Variants in CALD1 observed in about 807,000 individuals in gnomAD.
CALD1 encodes caldesmon.
A neutral mutation model predicts 99.9 loss-of-function variants in CALD1; 33 were observed. The ratio of observed to expected loss-of-function variants is 0.33; its 90% CI spans 0.25 to 0.44. The LOEUF (loss-of-function observed/expected upper bound fraction) is 0.44. Ranked by LOEUF, CALD1 falls within the 20% of genes least tolerant of loss-of-function variation. CALD1 has a pLI of 1.00. For synonymous variants in CALD1, 310 were observed against 325.0 expected (o/e 0.95, Z 0.50); for missense variants, 861 against 962.1 (o/e 0.89, Z 1.39).
chr7:134,768,954 GCTT>G (rs1306044035), intron 1 of CALD1, among the ~76,000 whole-genome samples: 1 of 151,830 alleles, frequency 6.6e-6, no homozygotes, highest in Non-Finnish European at 1.5e-5. Flanking sequence ...ATTGCAACCT[GCTT>G]CTTTTTTCCC....
chr7:134,838,284 C>T (rs1169973083), intron 1 of CALD1, among the ~76,000 whole-genome samples: 1 of 152,136 alleles, frequency 6.6e-6, no homozygotes, highest in East Asian at 1.9e-4. Context: ...TAAACCTATA[C>T]ACTAAACTAC....
At chr7:134,848,168 T>C (rs1799930973) in intron 2 of CALD1, among the ~76,000 whole-genome samples, 1 of 148,778 alleles carries the variant, frequency 6.7e-6, no homozygotes, top group African/African-American at 2.5e-5. Flanking sequence ...TAATGCCAAA[T>C]TAAATCTGGA....
chr7:134,894,678 C>T (rs1319594420), intron 3 of CALD1, among the ~76,000 whole-genome samples: 2 of 152,148 alleles, frequency 1.3e-5, no homozygotes, highest in Non-Finnish European at 2.9e-5. Context: ...ATGCCAAGAC[C>T]TACACAAGGG....
At chr7:134,759,489 C>A (rs931073140) in intron 1 of CALD1, among the ~76,000 whole-genome samples, 1 of 152,130 alleles carries the variant, frequency 6.6e-6, no homozygotes, top group African/African-American at 2.4e-5. Flanking sequence ...GAGAGAACAG[C>A]ATGTGTGAAA....
intron 1 of CALD1, among the ~76,000 whole-genome samples, chr7:134,802,160 A>G (rs1797971543): frequency 7.5e-6 from 1 of 133,156 alleles, no homozygotes; most frequent in Non-Finnish European, 1.6e-5. Context: ...TTTGCCATAT[A>G]TATGTCAACA....
chr7:134,963,093 G>C (rs375930609), intron 13 of CALD1, among the ~76,000 whole-genome samples: 2 of 152,140 alleles, frequency 1.3e-5, no homozygotes, highest in African/African-American at 4.8e-5. Context: ...GTAGAAGAAC[G>C]TGCATGAGAA....
At chr7:134,909,613 G>A (rs977334673) in intron 3 of CALD1, among the ~76,000 whole-genome samples, 4 of 152,200 alleles carry the variant, frequency 2.6e-5, no homozygotes, top group African/African-American at 9.6e-5. Context: ...AACCGGTGAG[G>A]TGGAAATTGC....
intron 9 of CALD1, among the ~76,000 whole-genome samples, chr7:134,955,561 C>T (rs1807698778): frequency 6.6e-6 from 1 of 152,184 alleles, no homozygotes; most frequent in African/African-American, 2.4e-5. Flanking sequence ...CTCTTCATGG[C>T]TTGCAGATGG....
intron 1 of CALD1, among the ~76,000 whole-genome samples, chr7:134,814,830 C>A (rs775851314): frequency 6.6e-6 from 1 of 152,154 alleles, no homozygotes; most frequent in East Asian, 1.9e-4. Context: ...TCAACAGAGT[C>A]AAGAAACCTG....
upstream of CALD1, among the ~76,000 whole-genome samples, chr7:134,778,708 C>A (rs1796984623): frequency 6.6e-6 from 1 of 152,186 alleles, no homozygotes; most frequent in Non-Finnish European, 1.5e-5. Flanking sequence ...CAAGACGTCA[C>A]CTGAACATTA....
At chr7:134,721,738 A>G in the CALD1 span, among the ~76,000 whole-genome samples, 1 of 152,152 alleles carries the variant, frequency 6.6e-6, no homozygotes, top group Non-Finnish European at 1.5e-5. Flanking sequence ...AATGGAGATG[A>G]TGGTATTCCT....
chr7:134,733,796 G>A, the CALD1 span, among the ~76,000 whole-genome samples: 3 of 143,438 alleles, frequency 2.1e-5, no homozygotes, highest in Non-Finnish European at 3.0e-5. Context: ...GTGACTGAGC[G>A]AGACTCTGTC....
At chr7:134,943,902 T>G (rs116270990) in intron 7 of CALD1, among the ~76,000 whole-genome samples, 1 of 152,236 alleles carries the variant, frequency 6.6e-6, no homozygotes, top group African/African-American at 2.4e-5. Context: ...ATTAATGATA[T>G]TAGATTCTAC....
chr7:134,953,656 G>GTT (rs779536183), intron 9 of CALD1, among the ~76,000 whole-genome samples: 3,464 of 117,652 alleles, frequency 0.029, 211 homozygotes, highest in African/African-American at 0.037. Context: ...TTCTACTGTG[G>GTT]TTTTTTTTTT....
chr7:134,741,693 G>A (rs1475177504), upstream of CALD1, among the ~76,000 whole-genome samples: 1 of 152,106 alleles, frequency 6.6e-6, no homozygotes, highest in African/African-American at 2.4e-5. Flanking sequence ...GTAGTCACAT[G>A]TGCAATAATA....
Position 134,795,026 on chromosome 7 carries a change from C to A in CALD1, c.-130+15277C>A, listed in dbSNP as rs148300812. Among the ~76,000 whole-genome samples the A allele has an allele frequency of 8.3e-4, 127 of 152,314 alleles. 1 individual carries two copies. In the East Asian group the frequency reaches 0.024, roughly 28 times the overall value. Reference sequence around the variant, plus strand: ...TTGTAAGTCGCTGGAAGCCAGTCCACTGATACCTGAAATACTTGACAGAAT... The same window carrying A: ...TTGTAAGTCGCTGGAAGCCAGTCCAATGATACCTGAAATACTTGACAGAAT... On this transcript the variant is annotated intron_variant, in intron 1 of 14. Transcript: ENST00000361675.
At chr7:134,814,768 C>T (rs1334450704) in intron 1 of CALD1, among the ~76,000 whole-genome samples, 1 of 152,200 alleles carries the variant, frequency 6.6e-6, no homozygotes, top group Non-Finnish European at 1.5e-5. Context: ...AAGCAACAGT[C>T]TCTCTATGAT....
chr7:134,853,456 C>T (rs3823568), intron 2 of CALD1, among the ~76,000 whole-genome samples: 26,591 of 152,098 alleles, frequency 0.17, 3,370 homozygotes, highest in African/African-American at 0.36. Context: ...GTGATTACCA[C>T]CCAGATCTTA....
intron 1 of CALD1, among the ~76,000 whole-genome samples, chr7:134,793,126 C>T (rs1363959962): frequency 2.0e-5 from 3 of 152,178 alleles, no homozygotes; most frequent in African/African-American, 7.2e-5. Flanking sequence ...GGGCAGCCTG[C>T]AAGCCAGGGA....
Sources: gnomAD v4.1 joint callset for allele counts (sites outside exome capture counted in the v4.1 genomes callset) on GRCh38, gnomAD v4.1.1 for gene constraint, MANE v1.5 for transcripts, NCBI Gene and HGNC (gene_info 2026-07-23, HGNC 2026-07-21) for gene names.